Variants in ELF2 observed in about 807,000 individuals in gnomAD.
ELF2 encodes E74 like ETS transcription factor 2.
Under a neutral mutation model 54.8 loss-of-function variants are expected in ELF2, and 11 were observed. The ratio of observed to expected loss-of-function variants is 0.20; its 90% confidence interval spans 0.13 to 0.33. The LOEUF is 0.33. Ranked by LOEUF, ELF2 falls within the 10% of genes least tolerant of loss-of-function variation. ELF2 has a pLI of 1.00. For missense variants in ELF2, 513 were observed against 703.0 expected, an observed-to-expected ratio of 0.73 and a Z score of 3.06; for synonymous variants, 203 against 245.1, an observed-to-expected ratio of 0.83 and a Z score of 1.61.
chr4:139,113,109 G>C (rs1735146299), intron 4 of ELF2, among the ~76,000 whole-genome samples: 2 of 152,158 alleles, frequency 1.3e-5, no homozygotes, highest in Admixed American at 1.3e-4. Context: ...TATAATCCCA[G>C]CACTGTGGGA....
intron 1 of ELF2, among the ~76,000 whole-genome samples, chr4:139,172,412 G>C (rs72629204): frequency 5.3e-5 from 8 of 151,994 alleles, no homozygotes; most frequent in Admixed American, 1.3e-4. Flanking sequence ...CCTCTGCCTC[G>C]GCCATGAATC....
At chr4:139,107,443 C>CT (rs1734527342) in intron 4 of ELF2, among the ~76,000 whole-genome samples, 1 of 152,146 alleles carries the variant, frequency 6.6e-6, no homozygotes, top group Non-Finnish European at 1.5e-5. Flanking sequence ...ATTACTCTGA[C>CT]TTTATCATCA....
In ELF2 at chr4:139,067,686, T is replaced by G. The variant is rs745327839; in HGVS notation, c.611A>C (p.Lys204Thr). The change falls in exon 7 of 10, where the codon AAA becomes ACA. Residue 204 changes from lysine (K) to threonine (T), a missense_variant and splice_region_variant. Physicochemically the swap from Lys to Thr is moderately conservative, Grantham distance 78 (BLOSUM62 -1). Around this residue, in one of 3 missense-constraint regions of ELF2, gnomAD observed 203 missense variants for 245.9 expected, o/e 0.83. Coordinates refer to ENST00000686138, the MANE Select transcript of ELF2 (RefSeq NM_001331036.3). ...LGIKKKPREG[K>T]GNTTYLWEFL... ...CAAAGCAACCCTCCCCAAATTACCT[T>G]TTCCTTCTCTTGGTTTCTTCTTTAT... 4 of 1,612,020 alleles carry G rather than the reference T, an allele frequency of 2.5e-6. No individual in the cohort carries two copies. Among genetic ancestry groups the G allele is most frequent in the Non-Finnish European group, 3.4e-6 (4 of 1,178,552 alleles).
Position 139,086,347 on chromosome 4 carries a change from C to T in ELF2, c.239-12780G>A, listed in dbSNP as rs373138141. 3.9e-5 allele frequency among the ~76,000 whole-genome samples: 6 copies of T among 152,178 alleles called. No individual in the cohort carries two copies. The East Asian group carries it at 1.2e-3, about 29-fold the overall frequency. ...TCTGTGAAGCACAACAAGCTGGAATCATATAGTTTAGGAGCACCAAGTAAA... is the reference window on the plus strand; with the variant it reads ...TCTGTGAAGCACAACAAGCTGGAATTATATAGTTTAGGAGCACCAAGTAAA... On this transcript the variant is annotated intron_variant, in intron 4 of 9. Coordinates refer to ENST00000686138, the MANE Select transcript of ELF2 (RefSeq NM_001331036.3).
intron 6 of ELF2, among the ~76,000 whole-genome samples, chr4:139,071,594 G>C (rs1729517243): frequency 1.3e-5 from 2 of 151,932 alleles, no homozygotes; most frequent in Admixed American, 1.3e-4. Context: ...AAGGTGCAGG[G>C]AATCTCTGAT....
At position 139,164,176 on chromosome 4, in the gene ELF2, GAA is replaced by G. The variant is rs570531796; in HGVS notation, c.-252+12789_-252+12790del. On this transcript the variant is annotated intron_variant, in intron 1 of 9. Coordinates refer to ENST00000686138, the MANE Select transcript of ELF2 (RefSeq NM_001331036.3). Reference sequence around the variant, plus strand: ...GAAAGAAAGAAGGAAAAGAAAGAAAGAAAGAGAGGGAGATGAAAAGAAAGAGA... The same window carrying G: ...GAAAGAAAGAAGGAAAAGAAAGAAAGAGAGAGGGAGATGAAAAGAAAGAGA... Among the ~76,000 whole-genome samples the G allele has an allele frequency of 3.5e-3, 513 of 145,034 alleles. 3 individuals carry two copies. The highest frequency in any genetic ancestry group is 0.012 in the African/African-American group (488 of 39,438).
intron 3 of ELF2, among the ~76,000 whole-genome samples, chr4:139,132,873 T>TAA (rs1553967482): frequency 1.9e-4 from 17 of 87,994 alleles, no homozygotes; most frequent in Non-Finnish European, 3.0e-4. Flanking sequence ...TATATATATA[T>TAA]AAAATATGTA....
intron 1 of ELF2, among the ~76,000 whole-genome samples, chr4:139,145,140 G>A (rs1739098965): frequency 6.6e-6 from 1 of 152,242 alleles, no homozygotes; most frequent in Admixed American, 6.5e-5. Context: ...GAAAACTTAT[G>A]CATGACCCAG....
At chr4:139,078,947 G>C (rs924350702) in intron 4 of ELF2, among the ~76,000 whole-genome samples, 1 of 151,948 alleles carries the variant, frequency 6.6e-6, no homozygotes, top group South Asian at 2.1e-4. Flanking sequence ...ACTGTTTTTT[G>C]AGACAAGGTC....
At chr4:139,168,398 T>C (rs1578983579) in intron 1 of ELF2, among the ~76,000 whole-genome samples, 1 of 152,246 alleles carries the variant, frequency 6.6e-6, no homozygotes, top group East Asian at 1.9e-4. Context: ...ATTTGTTACA[T>C]TTCTGTAGTA....
At chr4:139,070,142 C>T (rs1339372027) in intron 6 of ELF2, among the ~76,000 whole-genome samples, 1 of 151,748 alleles carries the variant, frequency 6.6e-6, no homozygotes, top group Admixed American at 6.6e-5. Context: ...CACACCCAGC[C>T]TTGTAATTTT....
chr4:139,151,511 C>A (rs1038222488), intron 1 of ELF2, among the ~76,000 whole-genome samples: 1 of 152,048 alleles, frequency 6.6e-6, no homozygotes, highest in African/African-American at 2.4e-5. Context: ...ATATTAAGGC[C>A]CACATGGGTA....
At chr4:139,163,278 A>C (rs1312182987) in intron 1 of ELF2, among the ~76,000 whole-genome samples, 1 of 152,012 alleles carries the variant, frequency 6.6e-6, no homozygotes, top group African/African-American at 2.4e-5. Context: ...GAAAAGCATA[A>C]GAATGTATTA....
Position 139,094,835 on chromosome 4 carries a change from C to A in ELF2, c.239-21268G>T, listed in dbSNP as rs1459994990. ...GATTTATTTATTTATCTTTATATAT[C>A]TTAGAGTTATTTTTAGGTCCCTAGT... On this transcript the variant is annotated intron_variant, in intron 4 of 9. Coordinates refer to ENST00000686138, the MANE Select transcript of ELF2 (RefSeq NM_001331036.3). Among the ~76,000 whole-genome samples, 19 of 152,004 alleles carry A rather than the reference C, an allele frequency of 1.2e-4. 1 individual carries two copies. The highest frequency in any genetic ancestry group is 1.2e-3 in the Admixed American group (19 of 15,250).
At chr4:139,119,234 C>T (rs1736069010) in intron 4 of ELF2, among the ~76,000 whole-genome samples, 2 of 152,212 alleles carry the variant, frequency 1.3e-5, no homozygotes, top group Admixed American at 6.5e-5. Flanking sequence ...CGTTTCCCCT[C>T]GGAAATTTAT....
intron 1 of ELF2, among the ~76,000 whole-genome samples, chr4:139,140,311 G>A (rs1169722174): frequency 3.3e-5 from 5 of 152,096 alleles, no homozygotes; most frequent in African/African-American, 2.4e-5. Context: ...CAAATAGTCC[G>A]CCTTCTTTCA....
Position 139,137,862 on chromosome 4 carries a change from G to C in ELF2, c.-161C>G. ...CCAGTCTTCTAAAGATGATTAACCA[G>C]AAAGCCTAAAAAGAGGAAGAATTTG... On this transcript the variant is annotated 5_prime_UTR_variant, in exon 3 of 10. Coordinates refer to ENST00000686138, the MANE Select transcript of ELF2 (RefSeq NM_001331036.3). The C allele has an allele frequency of 7.7e-7, 1 of 1,306,500 alleles. No homozygotes were observed. Among genetic ancestry groups the C allele is most frequent in the Non-Finnish European group, 9.7e-7 (1 of 1,027,690 alleles). 80.9% of individuals were successfully genotyped at this position (1,306,500 alleles called of 1,614,324 possible).
chr4:139,104,523 A>AAAAAG (rs1202376549), intron 4 of ELF2, among the ~76,000 whole-genome samples: 30 of 150,698 alleles, frequency 2.0e-4, no homozygotes, highest in Non-Finnish European at 2.7e-4. Context: ...AAAAAAAAAA[A>AAAAAG]AAAAGAAAAG....
At chr4:139,125,025 A>G (rs1455740530) in intron 4 of ELF2, 139 bp downstream of exon 4, 1 of 1,000,004 alleles carries the variant, frequency 1.0e-6, no homozygotes, top group Non-Finnish European at 1.4e-6. Flanking sequence ...TCCCTTAAAC[A>G]TAGATGTTTC....
Sources: gnomAD v4.1 joint callset for allele counts (sites outside exome capture counted in the v4.1 genomes callset) on GRCh38, gnomAD v4.1.1 for gene constraint, gnomAD v4.1.1 regional missense constraint, MANE v1.5 for transcripts, NCBI Gene and HGNC (gene_info 2026-07-23, HGNC 2026-07-21) for gene names.